The following CAST variants were observed in gnomAD, a reference collection of about 807,000 sequenced individuals.
CAST encodes calpastatin.
In CAST, 76 loss-of-function variants were observed where a neutral mutation model predicts 119.6. The ratio of observed to expected loss-of-function variants is 0.64; its 90% CI spans 0.53 to 0.77. The LOEUF (loss-of-function observed/expected upper bound fraction) is 0.77, where lower values mean the gene tolerates loss of function less well. Ranked by LOEUF, CAST falls within the 30% of genes least tolerant of loss-of-function variation. CAST has a pLI of 0.00. For missense variants in CAST, 953 were observed against 946.5 expected (o/e 1.01, Z -0.09); for synonymous variants, 319 against 331.6 (o/e 0.96, Z 0.41).
intron 2 of CAST, among the ~76,000 whole-genome samples, chr5:96,688,115 A>G (rs1752287763): frequency 6.6e-6 from 1 of 152,204 alleles, no homozygotes; most frequent in South Asian, 2.1e-4. Flanking sequence ...ATGGAAAAAT[A>G]TATTTCTTGG....
the CAST span, among the ~76,000 whole-genome samples, chr5:96,340,377 C>T: frequency 2.0e-5 from 3 of 152,074 alleles, no homozygotes; most frequent in African/African-American, 7.2e-5. Context: ...ACCCTCCCCA[C>T]CATGGTTAAC....
rs59338324 is a variant in CAST, at chr5:96,765,327, T to TAA, written c.2037+27_2037+28dup. On this transcript the variant is annotated splice_region_variant and intron_variant, in intron 26 of 31. Transcript: ENST00000675179. ...AAACCAATGGAAGATAAAGTAAAGGTAAAAAAAAAAAAAAAAAAAAAAAAA... is the reference window on the plus strand; with the variant it reads ...AAACCAATGGAAGATAAAGTAAAGGTAAAAAAAAAAAAAAAAAAAAAAAAAAA... 3.8e-4 allele frequency: 193 copies of TAA among 512,206 alleles called. 1 individual carries two copies. The African/African-American group carries it at 3.8e-3, about 10-fold the overall frequency. 31.7% of individuals were successfully genotyped at this position (512,206 alleles called of 1,614,324 possible).
At chr5:96,534,714 GGA>G (rs1233360638) in intron 1 of CAST, among the ~76,000 whole-genome samples, 249 of 13,980 alleles carry the variant, frequency 0.018, 26 homozygotes, top group African/African-American at 0.03. Context: ...AAGGAAGGAA[GGA>G]GAGAGAGAGA....
the CAST span, among the ~76,000 whole-genome samples, chr5:96,282,252 C>T: frequency 1.3e-5 from 2 of 152,180 alleles, no homozygotes; most frequent in African/African-American, 2.4e-5. Flanking sequence ...TCCACCACAG[C>T]TTCTCTGTCT....
At chr5:96,068,497 C>G in the CAST span, among the ~76,000 whole-genome samples, 6 of 151,844 alleles carry the variant, frequency 4.0e-5, no homozygotes, top group African/African-American at 1.5e-4. Flanking sequence ...ATTCATGGAG[C>G]AGTTACTAAA....
At chr5:96,349,139 A>ATTTTTTTTTTTTTTTTTTTTTTTTTTTTT in the CAST span, among the ~76,000 whole-genome samples, 398 of 89,502 alleles carry the variant, frequency 4.4e-3, 17 homozygotes, top group Non-Finnish European at 5.7e-3. Context: ...CAAGGACACT[A>ATTTTTTTTTTTTTTTTTTTTTTTTTTTTT]TTTTTTTTTT....
the CAST span, among the ~76,000 whole-genome samples, chr5:96,189,752 A>T: frequency 6.6e-6 from 1 of 152,004 alleles, no homozygotes; most frequent in East Asian, 1.9e-4. Flanking sequence ...TGATTTTTGC[A>T]TTGGAAAAAA....
At chr5:96,572,437 G>C (rs532823376) in intron 1 of CAST, among the ~76,000 whole-genome samples, 2 of 152,172 alleles carry the variant, frequency 1.3e-5, no homozygotes, top group Non-Finnish European at 2.9e-5. Flanking sequence ...CTGACCTCAG[G>C]TGATCTGCCC....
At chr5:96,648,557 A>G (rs71630745) in intron 1 of CAST, among the ~76,000 whole-genome samples, 7,908 of 151,886 alleles carry the variant, frequency 0.052, 402 homozygotes, top group East Asian at 0.2. Flanking sequence ...ACTTGAATTA[A>G]TATATCTGTG....
chr5:96,705,969 T>G (rs1754887598), intron 3 of CAST, among the ~76,000 whole-genome samples: 1 of 152,242 alleles, frequency 6.6e-6, no homozygotes, highest in African/African-American at 2.4e-5. Context: ...CGCATTTTGC[T>G]ACAGTGATTT....
At chr5:96,667,274 T>C (rs1749461317) in intron 1 of CAST, among the ~76,000 whole-genome samples, 1 of 152,222 alleles carries the variant, frequency 6.6e-6, no homozygotes, top group African/African-American at 2.4e-5. Context: ...AGCTCAAAGA[T>C]GTTCACAGTT....
At chr5:96,459,280 T>C in the CAST span, among the ~76,000 whole-genome samples, 1 of 152,136 alleles carries the variant, frequency 6.6e-6, no homozygotes, top group Admixed American at 6.5e-5. Flanking sequence ...AAGGCCTCCT[T>C]GTGTTAAGTA....
chr5:96,575,020 C>A (rs150178880), intron 1 of CAST, among the ~76,000 whole-genome samples: 264 of 152,140 alleles, frequency 1.7e-3, no homozygotes, highest in African/African-American at 6.2e-3. Context: ...GAATTGAAAT[C>A]TTTGTTGGGT....
the CAST span, among the ~76,000 whole-genome samples, chr5:96,370,113 CATT>C: frequency 6.6e-6 from 1 of 151,500 alleles, no homozygotes; most frequent in Non-Finnish European, 1.5e-5. Flanking sequence ...ATATGAAACT[CATT>C]ATAGGAGGTA....
chr5:96,604,386 A>G (rs1186340000), intron 1 of CAST, among the ~76,000 whole-genome samples: 1 of 152,250 alleles, frequency 6.6e-6, no homozygotes, highest in Non-Finnish European at 1.5e-5. Context: ...AATTGAGACT[A>G]GAGTAGATAA....
the CAST span, among the ~76,000 whole-genome samples, chr5:96,230,368 A>C: frequency 4.6e-5 from 7 of 152,086 alleles, no homozygotes; most frequent in African/African-American, 1.7e-4. Context: ...TTTAAATTTT[A>C]TCAATTTATC....
the CAST span, among the ~76,000 whole-genome samples, chr5:96,217,342 A>C: frequency 4.0e-5 from 6 of 149,342 alleles, no homozygotes; most frequent in African/African-American, 1.5e-4. Flanking sequence ...CGAGTGGCCA[A>C]ATTAAATTTT....
chr5:96,589,633 T>C (rs1010444337), intron 1 of CAST, among the ~76,000 whole-genome samples: 1 of 152,202 alleles, frequency 6.6e-6, no homozygotes, highest in Non-Finnish European at 1.5e-5. Context: ...CAAAAAGTTT[T>C]AGTTACAATT....
the CAST span, among the ~76,000 whole-genome samples, chr5:96,423,688 T>C: frequency 6.6e-6 from 1 of 152,238 alleles, no homozygotes; most frequent in African/African-American, 2.4e-5. Flanking sequence ...CTTGAAAAGA[T>C]GAATCACCTG....
Sources: gnomAD v4.1 joint callset for allele counts (sites outside exome capture counted in the v4.1 genomes callset) on GRCh38, gnomAD v4.1.1 for gene constraint, MANE v1.5 for transcripts, NCBI Gene and HGNC (gene_info 2026-07-23, HGNC 2026-07-21) for gene names.